Variants in PDZD9 observed in about 807,000 individuals in gnomAD.
PDZD9 encodes the protein PDZ domain containing 9.
Under a neutral mutation model 16.3 loss-of-function variants are expected in PDZD9, and 13 were observed. The ratio of observed to expected loss-of-function variants is 0.80; its 90% CI spans 0.52 to 1.27. The LOEUF is 1.27. PDZD9 is among the 50% of genes most tolerant of loss of function. PDZD9 has a pLI of 0.00. For missense variants in PDZD9, 288 were observed against 310.9 expected (o/e 0.93, Z 0.55); for synonymous variants, 120 against 111.0 (o/e 1.08, Z -0.51).
At chr16:21,980,373 AG>A, downstream of PDZD9, 1 of 693,784 alleles carries the variant, frequency 1.4e-6, no homozygotes, top group Non-Finnish European at 2.3e-6. Context: ...TTACTGTTTT[AG>A]TATGTTCCAG....
chr16:21,976,422 C>A, the PDZD9 span: 1 of 521,618 alleles, frequency 1.9e-6, no homozygotes, highest in Non-Finnish European at 3.3e-6. Context: ...TTTGGCCAGG[C>A]ACAGTGGCTC....
downstream of PDZD9, chr16:21,980,809 G>A: frequency 7.8e-7 from 1 of 1,289,966 alleles, no homozygotes; most frequent in South Asian, 1.5e-5. Context: ...CTTATGTTTG[G>A]TGCTCATCTA....
the PDZD9 span, among the ~76,000 whole-genome samples, chr16:21,957,784 A>C: frequency 6.6e-6 from 1 of 152,216 alleles, no homozygotes; most frequent in African/African-American, 2.4e-5. Flanking sequence ...AGATATCAGC[A>C]GGGCTGTGAT....
downstream of PDZD9, among the ~76,000 whole-genome samples, chr16:21,982,279 AC>A (rs1898751438): frequency 6.6e-6 from 1 of 152,140 alleles, no homozygotes; most frequent in Admixed American, 6.5e-5. Flanking sequence ...CTGCTGCTCC[AC>A]CTACACCTGA....
the PDZD9 span, chr16:21,957,574 T>A: frequency 1.2e-6 from 2 of 1,613,268 alleles, no homozygotes; most frequent in Non-Finnish European, 1.7e-6. Flanking sequence ...CTGGTGAGTA[T>A]CTTCACTTCC....
chr16:21,961,666 A>ATATATATATATATATT, the PDZD9 span, among the ~76,000 whole-genome samples: 1 of 111,112 alleles, frequency 9.0e-6, no homozygotes, highest in Admixed American at 9.4e-5. Context: ...ATATATATAT[A>ATATATATATATATATT]TATTTTAGAC....
chr16:21,971,904 A>G, the PDZD9 span: 79 of 1,612,956 alleles, frequency 4.9e-5, no homozygotes, highest in Non-Finnish European at 6.1e-5. Flanking sequence ...TCTTCCCTCT[A>G]TCCTTAATCT....
At chr16:21,972,961 G>A in the PDZD9 span, among the ~76,000 whole-genome samples, 22 of 152,252 alleles carry the variant, frequency 1.4e-4, no homozygotes, top group East Asian at 4.1e-3. Flanking sequence ...TTGTCTGGGC[G>A]TGGTGGCGCA....
chr16:22,000,900 G>A (rs547756976), intron 1 of PDZD9, 117 bp downstream of exon 1: 2 of 926,690 alleles, frequency 2.2e-6, no homozygotes, highest in East Asian at 2.7e-5. Context: ...TAACAACAAC[G>A]ATGGAGAGAG....
chr16:21,977,957 A>G, the PDZD9 span, among the ~76,000 whole-genome samples: 1 of 152,216 alleles, frequency 6.6e-6, no homozygotes, highest in African/African-American at 2.4e-5. Flanking sequence ...TGATTGTACC[A>G]GAAACAAAAC....
the PDZD9 span, chr16:21,971,750 G>A: frequency 1.5e-6 from 2 of 1,315,560 alleles, no homozygotes; most frequent in East Asian, 2.4e-5. Context: ...TGGCTTGGGT[G>A]TTGTATTTTG....
At chr16:21,960,323 T>C in the PDZD9 span, among the ~76,000 whole-genome samples, 1 of 152,258 alleles carries the variant, frequency 6.6e-6, no homozygotes, top group Non-Finnish European at 1.5e-5. Flanking sequence ...TCCTTAAAGC[T>C]CATGAACTAA....
At chr16:21,971,433 TA>T in the PDZD9 span, 3 of 1,065,008 alleles carry the variant, frequency 2.8e-6, no homozygotes, top group Non-Finnish European at 4.1e-6. Flanking sequence ...GTTAGGATTT[TA>T]CAATCGTATT....
the PDZD9 span, chr16:21,971,881 C>A: frequency 6.2e-7 from 1 of 1,608,960 alleles, no homozygotes; most frequent in Non-Finnish European, 8.5e-7. Context: ...CAATGGTGAA[C>A]AAGCCATTTT....
the PDZD9 span, chr16:21,974,083 C>T: frequency 5.9e-5 from 56 of 946,530 alleles, no homozygotes; most frequent in Non-Finnish European, 8.6e-5. Context: ...AGTGCAATGA[C>T]TTATCAGAGC....
chr16:21,980,997 T>G (rs1393493376), downstream of PDZD9, among the ~76,000 whole-genome samples: 1 of 152,182 alleles, frequency 6.6e-6, no homozygotes, highest in Non-Finnish European at 1.5e-5. Flanking sequence ...ACACCTAACG[T>G]ATCAAACGTT....
chr16:21,980,721 C>T (rs377651641), downstream of PDZD9: 3 of 1,611,480 alleles, frequency 1.9e-6, no homozygotes, highest in African/African-American at 1.3e-5. Context: ...GAAAACTTAA[C>T]GATTTAACAA....
intron 3 of PDZD9, among the ~76,000 whole-genome samples, 188 bp downstream of exon 3, chr16:21,988,414 T>C (rs1031609876): frequency 6.6e-6 from 1 of 152,118 alleles, no homozygotes; most frequent in African/African-American, 2.4e-5. Context: ...CCAGGTTGAC[T>C]TCATCGTGCT....
the PDZD9 span, among the ~76,000 whole-genome samples, chr16:21,964,948 G>A: frequency 6.6e-6 from 1 of 152,342 alleles, no homozygotes; most frequent in Admixed American, 6.5e-5. Flanking sequence ...AGAGGAGTAA[G>A]TCCCAGTGGA....
Sources: allele counts gnomAD v4.1 joint callset (sites outside exome capture counted in the v4.1 genomes callset), GRCh38; gene constraint gnomAD v4.1.1; transcripts MANE v1.5; gene names NCBI Gene and HGNC (gene_info 2026-07-23, HGNC 2026-07-21).